Variants in TAOK1 observed in about 807,000 individuals in gnomAD.
TAOK1 encodes serine/threonine-protein kinase TAO1.
TAOK1 carries 21 observed loss-of-function variants against 138.3 expected under a neutral mutation model. The ratio of observed to expected loss-of-function variants is 0.15; its 90% CI spans 0.11 to 0.22. The LOEUF (loss-of-function observed/expected upper bound fraction) is 0.22. Ranked by LOEUF, TAOK1 falls within the 10% of genes least tolerant of loss-of-function variation. The probability of loss-of-function intolerance (pLI) is 1.00; values close to 1 mark genes in which losing one functional copy is unlikely to be tolerated. For missense variants in TAOK1, 651 were observed against 1,227.7 expected (o/e 0.53, Z 7.02); for synonymous variants, 361 against 398.4 (o/e 0.91, Z 1.12).
intron 18 of TAOK1, among the ~76,000 whole-genome samples, chr17:29,533,826 C>CCGTGGAAAGAGAGGGAGAGGGAGAG (rs2032174335): frequency 7.3e-6 from 1 of 137,394 alleles, no homozygotes. Context: ...CAGAGGGAGA[C>CCGTGGAAAGAGAGGGAGAGGGAGAG]CGTGGGGAGA....
intron 6 of TAOK1, chr17:29,480,141 T>A (rs140166555): frequency 3.3e-6 from 1 of 301,516 alleles, no homozygotes; most frequent in African/African-American, 2.2e-5. Context: ...TTACTGCTAT[T>A]TGTCTTCTCT....
chr17:29,495,690 A>G lies in TAOK1; in HGVS notation c.962A>G (p.His321Arg), dbSNP rs1238477541. Residue 321 changes from histidine to arginine, a missense_variant, in exon 11 of 20, where the codon CAT (histidine) becomes CGT (arginine). His to Arg is a conservative substitution (Grantham distance 29). This residue lies in a region of TAOK1 where 104 missense variants were observed against 151.7 expected (regional missense o/e 0.69). Coordinates refer to ENST00000261716, the MANE Select transcript of TAOK1 (RefSeq NM_020791.4). ...KMKKLLFQEA[H>R]NGPAVEAQEE... The stretch of plus-strand genomic sequence containing the variant: ...AAGAAACTCCTTTTCCAGGAGGCAC[A>G]TAATGGACCAGCAGTAGAAGCACAG... The G allele has an allele frequency of 1.2e-6, 2 of 1,611,202 alleles. No homozygotes were observed. The highest frequency in any genetic ancestry group is 1.7e-5 in the Admixed American group (1 of 59,902).
intron 2 of TAOK1, among the ~76,000 whole-genome samples, chr17:29,466,537 T>C (rs2030673391): frequency 6.6e-6 from 1 of 152,248 alleles, no homozygotes. Flanking sequence ...TATTCACAAA[T>C]GCAATTGGTA....
intron 1 of TAOK1, among the ~76,000 whole-genome samples, chr17:29,448,542 C>G (rs2030152385): frequency 6.6e-6 from 1 of 151,996 alleles, no homozygotes; most frequent in African/African-American, 2.4e-5. Context: ...GTATTTTACT[C>G]TTGTGATGGT....
At chr17:29,461,559 A>G (rs1194179763) in intron 2 of TAOK1, among the ~76,000 whole-genome samples, 1 of 152,186 alleles carries the variant, frequency 6.6e-6, no homozygotes, top group Non-Finnish European at 1.5e-5. Flanking sequence ...GGACAGTTTT[A>G]ACATTAAATA....
intron 9 of TAOK1, 118 bp from the exon 10 acceptor site, chr17:29,491,666 T>C (rs529549408): frequency 4.3e-6 from 3 of 704,282 alleles, no homozygotes; most frequent in East Asian, 2.5e-5. Flanking sequence ...TAGTCTCTGC[T>C]TTTTTTTAAT....
rs541368940 is a variant in TAOK1, at chr17:29,546,024, T to C, written c.*3002T>C. ...ATACTTTGAAATATATTATTCCAAA[T>C]TGAGCTCCCTTCCCTTTGCACATAT... On this transcript the variant is annotated 3_prime_UTR_variant, in exon 20 of 20. Coordinates refer to ENST00000261716, the MANE Select transcript of TAOK1 (RefSeq NM_020791.4). 3 of 152,244 alleles carry C rather than the reference T, an allele frequency of 2.0e-5. No individual in the cohort carries two copies. The highest frequency in any genetic ancestry group is 6.5e-5 in the Admixed American group (1 of 15,290). The allele number at this position is 152,244 out of a possible 1,614,324, so 9.4% of individuals were successfully genotyped here.
intron 1 of TAOK1, among the ~76,000 whole-genome samples, chr17:29,445,828 A>G (rs2030062004): frequency 6.6e-6 from 1 of 152,222 alleles, no homozygotes; most frequent in South Asian, 2.1e-4. Flanking sequence ...GCTTCATAAA[A>G]TGAATTGGGA....
At chr17:29,482,158 TA>T (rs563790244) in intron 7 of TAOK1, 38 bp from the exon 8 acceptor site, 9 of 1,486,610 alleles carry the variant, frequency 6.1e-6, no homozygotes, top group South Asian at 1.2e-5. Flanking sequence ...GAATACTTTT[TA>T]AAAAAAATCT....
intron 2 of TAOK1, among the ~76,000 whole-genome samples, chr17:29,464,958 C>T (rs956309846): frequency 2.0e-5 from 3 of 150,188 alleles, no homozygotes; most frequent in South Asian, 2.1e-4. Context: ...GTAGCTGGGA[C>T]GACAGACATG....
intron 1 of TAOK1, among the ~76,000 whole-genome samples, chr17:29,440,522 A>G (rs547786738): frequency 2.0e-5 from 3 of 152,070 alleles, no homozygotes; most frequent in Non-Finnish European, 4.4e-5. Context: ...ATCAGTCAGT[A>G]TTTAGATACT....
At position 29,502,736 on chromosome 17, in the gene TAOK1, C is replaced by T. The variant is rs754756897; in HGVS notation, c.1338+13C>T. 6.2e-7 allele frequency: 1 copy of T among 1,604,268 alleles called. No homozygotes were observed. ...GACAGCATCACTGGTATGTACTTACCCGAATTAGAGATAAATATATTTTTC... is the reference window on the plus strand; with the variant it reads ...GACAGCATCACTGGTATGTACTTACTCGAATTAGAGATAAATATATTTTTC... On this transcript the variant is annotated intron_variant, in intron 13 of 19. Coordinates refer to ENST00000261716, the MANE Select transcript of TAOK1 (RefSeq NM_020791.4).
chr17:29,471,190 C>T (rs1204525891), intron 3 of TAOK1, among the ~76,000 whole-genome samples: 1 of 150,658 alleles, frequency 6.6e-6, no homozygotes, highest in Non-Finnish European at 1.5e-5. Context: ...CCATGCTATA[C>T]TGTAGTACCG....
intron 16 of TAOK1, among the ~76,000 whole-genome samples, chr17:29,521,170 G>A (rs183521851): frequency 2.0e-5 from 3 of 152,286 alleles, no homozygotes; most frequent in Admixed American, 6.5e-5. Flanking sequence ...AGACTAATCT[G>A]AATAAACTTG....
intron 18 of TAOK1, among the ~76,000 whole-genome samples, chr17:29,531,460 T>C (rs2032107381): frequency 9.9e-6 from 1 of 101,272 alleles, no homozygotes. Flanking sequence ...TTGTAAACTT[T>C]TTTTTAAAGG....
chr17:29,451,347 A>G (rs2030229608), intron 1 of TAOK1, 108 bp from the exon 2 acceptor site: 2 of 427,982 alleles, frequency 4.7e-6, no homozygotes, highest in South Asian at 5.6e-5. Context: ...CTGCCTTTTC[A>G]GTGAAATTCT....
intron 1 of TAOK1, among the ~76,000 whole-genome samples, chr17:29,419,530 T>C (rs1905364713): frequency 6.7e-6 from 1 of 149,170 alleles, no homozygotes; most frequent in Admixed American, 6.8e-5. Flanking sequence ...TCTCTCTCTG[T>C]TGTCTAGGCT....
intron 1 of TAOK1, among the ~76,000 whole-genome samples, chr17:29,400,456 A>G (rs1026491405): frequency 9.9e-5 from 15 of 152,068 alleles, no homozygotes; most frequent in African/African-American, 3.4e-4. Flanking sequence ...TATTTAAGAA[A>G]AATTTGGTAT....
At chr17:29,408,632 C>T (rs1239396987) in intron 1 of TAOK1, among the ~76,000 whole-genome samples, 1 of 151,978 alleles carries the variant, frequency 6.6e-6, no homozygotes, top group Non-Finnish European at 1.5e-5. Context: ...GTAATTTTTA[C>T]TTCCCCCCAA....
Sources: gnomAD v4.1 joint callset for allele counts (sites outside exome capture counted in the v4.1 genomes callset) on GRCh38, gnomAD v4.1.1 for gene constraint, gnomAD v4.1.1 regional missense constraint, MANE v1.5 for transcripts, NCBI Gene and HGNC (gene_info 2026-07-23, HGNC 2026-07-21) for gene names.